Variants in FGF13 observed in about 807,000 individuals in gnomAD.
The protein encoded by FGF13 is fibroblast growth factor homologous factor 2.
A neutral mutation model predicts 19.5 loss-of-function variants in FGF13; 2 were observed. The observed-to-expected ratio is 0.10, with a 90% CI of 0.04 to 0.32. FGF13 has a LOEUF of 0.32. Ranked by LOEUF, FGF13 falls within the 10% of genes least tolerant of loss-of-function variation. The probability of loss-of-function intolerance (pLI) is 1.00; values close to 1 mark genes in which losing one functional copy is unlikely to be tolerated. For synonymous variants in FGF13, 72 were observed against 76.9 expected, an observed-to-expected ratio of 0.94 and a Z score of 0.33; for missense variants, 113 against 192.7, an observed-to-expected ratio of 0.59 and a Z score of 2.45.
rs1372984063 is a variant in FGF13, at chrX:138,624,202, G to GTA, written c.*8646_*8647dup. 1 of 111,902 alleles carries GTA rather than the reference G, an allele frequency of 8.9e-6. No individual in the cohort carries two copies. The highest frequency in any genetic ancestry group is 1.9e-5 in the Non-Finnish European group (1 of 53,206). 9.2% of individuals were successfully genotyped at this position (111,902 alleles called of 1,213,427 possible). On this transcript the variant is annotated 3_prime_UTR_variant, in exon 5 of 5. Transcript: ENST00000315930. ...TTGTAAAGCTATAGTAATCAAAACA[G>GTA]TATGGTATTGGCATAGAAGCAGACA...
intron 1 of FGF13, among the ~76,000 whole-genome samples, chrX:138,733,340 T>C (rs919819735): frequency 3.6e-5 from 4 of 112,009 alleles, no homozygotes; most frequent in African/African-American, 1.3e-4. Flanking sequence ...ATAATAGCTT[T>C]GTTTCTATTA....
At chrX:139,124,245 G>C (rs1386071268) in intron 1 of FGF13, among the ~76,000 whole-genome samples, 1 of 112,654 alleles carries the variant, frequency 8.9e-6, no homozygotes, top group Non-Finnish European at 1.9e-5. Flanking sequence ...GACGTCATGT[G>C]TTCAGCCATC....
intron 1 of FGF13, among the ~76,000 whole-genome samples, chrX:138,998,160 C>T (rs905382592): frequency 1.8e-4 from 20 of 111,523 alleles, no homozygotes; most frequent in African/African-American, 6.2e-4. Flanking sequence ...ACCAGGCCTG[C>T]CTTACAAGAG....
intron 1 of FGF13, among the ~76,000 whole-genome samples, chrX:138,954,094 A>ATGAG (rs1332361681): frequency 4.1e-3 from 108 of 26,649 alleles, no homozygotes; most frequent in African/African-American, 0.01. Context: ...TGTAAATTTA[A>ATGAG]CGAGAGAGAG....
intron 1 of FGF13, among the ~76,000 whole-genome samples, chrX:139,082,153 C>G (rs180875871): frequency 2.7e-5 from 3 of 111,707 alleles, no homozygotes; most frequent in Admixed American, 9.5e-5. Context: ...TGTTTCTCTT[C>G]TAGCACAACA....
Position 138,703,054 on chromosome X carries a change from A to G in FGF13, c.332T>C (p.Val111Ala). 1 of 1,208,574 alleles carries G rather than the reference A, an allele frequency of 8.3e-7. No homozygotes were observed. The highest frequency in any genetic ancestry group is 1.1e-6 in the Non-Finnish European group (1 of 892,512). The change falls in exon 3 of 5, where the codon GTG (valine) becomes GCG (alanine). Residue 111 changes from valine to alanine, a missense_variant. This residue lies in a region of FGF13 where 51 missense variants were observed against 78.5 expected (regional missense o/e 0.65). Coordinates refer to ENST00000315930, the MANE Select transcript of FGF13 (RefSeq NM_004114.5). Reference sequence around the variant, plus strand: ...GGTTTGAACTCCTTGGATAGCCACCACTCGCAGACCCACAGGGATGAGGTT... The same window carrying G: ...GGTTTGAACTCCTTGGATAGCCACCGCTCGCAGACCCACAGGGATGAGGTT... ...LFNLIPVGLRVVAIQGVQTKL... is the reference protein window; with the variant it reads ...LFNLIPVGLRAVAIQGVQTKL...
downstream of FGF13, among the ~76,000 whole-genome samples, chrX:138,855,173 G>A (rs12395219): frequency 5.4e-5 from 6 of 111,512 alleles, no homozygotes; most frequent in East Asian, 8.5e-4. Context: ...TAGTTACTTC[G>A]CCTCCTGGAA....
intron 1 of FGF13, among the ~76,000 whole-genome samples, chrX:139,149,212 A>G (rs2083913968): frequency 9.0e-6 from 1 of 111,624 alleles, no homozygotes; most frequent in South Asian, 3.7e-4. Context: ...ACACTGCTTT[A>G]TTCAAATTGT....
chrX:138,781,679 C>T (rs1441841077), intron 3 of FGF13, among the ~76,000 whole-genome samples: 1 of 111,486 alleles, frequency 9.0e-6, no homozygotes, highest in Non-Finnish European at 1.9e-5. Context: ...GCTTACCAAC[C>T]AAAAAGAGTC....
At chrX:138,875,272 C>G (rs919340169) in intron 1 of FGF13, among the ~76,000 whole-genome samples, 15 of 108,971 alleles carry the variant, frequency 1.4e-4, no homozygotes, top group Admixed American at 7.8e-4. Context: ...AAAGAAAGTG[C>G]AGCTTACTTC....
chrX:138,919,625 T>A (rs1339339951), intron 1 of FGF13, among the ~76,000 whole-genome samples: 1 of 112,134 alleles, frequency 8.9e-6, no homozygotes, highest in East Asian at 2.8e-4. Flanking sequence ...AAAGGTTACA[T>A]ACTATATAAT....
At chrX:138,959,318 T>G (rs1172546824) in intron 1 of FGF13, among the ~76,000 whole-genome samples, 1 of 111,938 alleles carries the variant, frequency 8.9e-6, no homozygotes, top group Non-Finnish European at 1.9e-5. Context: ...AGATTCCACG[T>G]AGTTGTGCGG....
At chrX:139,016,752 C>T (rs1024177731) in intron 1 of FGF13, among the ~76,000 whole-genome samples, 18 of 111,356 alleles carry the variant, frequency 1.6e-4, no homozygotes, top group African/African-American at 5.5e-4. Context: ...GTTGCTCCAG[C>T]CTCCCTGGTC....
At chrX:138,699,995 A>T (rs1189552724) in intron 3 of FGF13, among the ~76,000 whole-genome samples, 1 of 110,376 alleles carries the variant, frequency 9.1e-6, no homozygotes, top group South Asian at 3.9e-4. Context: ...TCCACTGAGC[A>T]CTTCTGACTT....
chrX:139,054,705 A>C (rs1259073047), intron 1 of FGF13, among the ~76,000 whole-genome samples: 1 of 112,012 alleles, frequency 8.9e-6, no homozygotes, highest in Non-Finnish European at 1.9e-5. Context: ...CCCATTTATG[A>C]GAATGGGATG....
chrX:139,152,793 C>T (rs891770916), intron 1 of FGF13, among the ~76,000 whole-genome samples: 11 of 110,996 alleles, frequency 9.9e-5, no homozygotes, highest in Admixed American at 7.6e-4. Flanking sequence ...TCTCTCACCG[C>T]CAAGCCCTCA....
At chrX:138,863,612 C>A (rs754931384) in intron 2 of FGF13, among the ~76,000 whole-genome samples, 6 of 112,274 alleles carry the variant, frequency 5.3e-5, no homozygotes, top group African/African-American at 1.9e-4. Flanking sequence ...AGTTGTTTTG[C>A]ATGCACAAAA....
intron 1 of FGF13, among the ~76,000 whole-genome samples, chrX:139,152,884 T>C (rs775779308): frequency 2.1e-4 from 23 of 110,781 alleles, no homozygotes; most frequent in Non-Finnish European, 3.4e-4. Flanking sequence ...CTCTTACTCA[T>C]GTTTTGGGAT....
At chrX:138,775,912 T>C (rs2090584035) in intron 3 of FGF13, among the ~76,000 whole-genome samples, 1 of 112,446 alleles carries the variant, frequency 8.9e-6, no homozygotes, top group African/African-American at 3.2e-5. Flanking sequence ...CATGGAGATA[T>C]GTTGTGATGT....
Sources: allele counts gnomAD v4.1 joint callset (sites outside exome capture counted in the v4.1 genomes callset), GRCh38; gene constraint gnomAD v4.1.1; regional missense constraint gnomAD v4.1.1; transcripts MANE v1.5; gene names NCBI Gene and HGNC (gene_info 2026-07-23, HGNC 2026-07-21).